The following MCPH1 variants were observed in gnomAD, a reference collection of about 807,000 sequenced individuals.
The protein encoded by MCPH1 is microcephalin.
In MCPH1, 104 loss-of-function variants were observed where a neutral mutation model predicts 84.5. The observed-to-expected ratio is 1.23, with a 90% CI of 1.05 to 1.45. The LOEUF (loss-of-function observed/expected upper bound fraction) is 1.45. Ranked by LOEUF, MCPH1 falls within the 40% of genes most tolerant of loss-of-function variation. The probability of loss-of-function intolerance (pLI) is 0.00; values close to 1 mark genes in which losing one functional copy is unlikely to be tolerated. For synonymous variants in MCPH1, 514 were observed against 366.8 expected, an observed-to-expected ratio of 1.40 and a Z score of -4.58; for missense variants, 1,498 against 1,005.7, an observed-to-expected ratio of 1.49 and a Z score of -6.62.
chr8:6,559,205 T>A (rs1410894204), intron 12 of MCPH1, among the ~76,000 whole-genome samples: 1 of 146,754 alleles, frequency 6.8e-6, no homozygotes, highest in African/African-American at 2.5e-5. Context: ...ATACAGCTAT[T>A]GAGTGTTTTG....
chr8:6,407,483 C>G (rs1000955942), intron 1 of MCPH1, among the ~76,000 whole-genome samples: 3 of 152,106 alleles, frequency 2.0e-5, no homozygotes, highest in East Asian at 3.9e-4. Context: ...CGCAGTCCCA[C>G]CCTCTGTGCA....
At chr8:6,523,691 G>A (rs1276322781) in intron 12 of MCPH1, among the ~76,000 whole-genome samples, 1 of 152,168 alleles carries the variant, frequency 6.6e-6, no homozygotes, top group Non-Finnish European at 1.5e-5. Context: ...CCGGATTCAA[G>A]CAGTTCTCCT....
intron 3 of MCPH1, among the ~76,000 whole-genome samples, chr8:6,427,368 C>T (rs149102919): frequency 6.6e-6 from 1 of 152,052 alleles, no homozygotes; most frequent in Non-Finnish European, 1.5e-5. Flanking sequence ...ACTGTATTAA[C>T]TGATACTATA....
chr8:6,583,104 A>C (rs1457773822), intron 12 of MCPH1, among the ~76,000 whole-genome samples: 1 of 152,192 alleles, frequency 6.6e-6, no homozygotes, highest in East Asian at 1.9e-4. Flanking sequence ...TCATCTTGGC[A>C]ATCTCTATCC....
chr8:6,627,515 G>C (rs768475785), intron 13 of MCPH1, among the ~76,000 whole-genome samples: 1 of 152,208 alleles, frequency 6.6e-6, no homozygotes, highest in East Asian at 1.9e-4. Context: ...TAAAACAGAC[G>C]AAATCTACCA....
chr8:6,611,275 G>T (rs940521115), intron 12 of MCPH1, among the ~76,000 whole-genome samples: 1 of 152,130 alleles, frequency 6.6e-6, no homozygotes, highest in Non-Finnish European at 1.5e-5. Context: ...GAGTTAGCAG[G>T]TGAAGGACTC....
chr8:6,452,002 A>T lies in MCPH1; in HGVS notation c.1826-3141A>T, dbSNP rs537881172. Among the ~76,000 whole-genome samples the T allele has an allele frequency of 9.8e-5, 15 of 152,364 alleles. No individual in the cohort carries two copies. The South Asian group carries it at 3.1e-3, about 32-fold the overall frequency. Reference sequence around the variant, plus strand: ...GTAGGAAAGTAGGATGTGGAGGAAAATAAATGTTAAAAATAAGAGTTATTT... The same window carrying T: ...GTAGGAAAGTAGGATGTGGAGGAAATTAAATGTTAAAAATAAGAGTTATTT... On this transcript the variant is annotated intron_variant, in intron 8 of 13. Coordinates refer to ENST00000344683, the MANE Select transcript of MCPH1 (RefSeq NM_024596.5).
chr8:6,460,195 A>G (rs572856358), intron 9 of MCPH1, among the ~76,000 whole-genome samples: 3 of 151,878 alleles, frequency 2.0e-5, no homozygotes, highest in East Asian at 1.9e-4. Context: ...CTTTGCTTCT[A>G]TAGCCCATGT....
At chr8:6,459,069 C>G (rs139209507) in intron 9 of MCPH1, among the ~76,000 whole-genome samples, 1 of 152,108 alleles carries the variant, frequency 6.6e-6, no homozygotes, top group African/African-American at 2.4e-5. Context: ...AATTTAGTTT[C>G]CTGGTTTTAA....
rs936485639 is a variant in MCPH1 at position 6,507,115 on chromosome 8, C to T, written c.2214+7186C>T. Among the ~76,000 whole-genome samples, 6 of 152,142 alleles carry T rather than the reference C, an allele frequency of 3.9e-5. No individual in the cohort carries two copies. The East Asian group carries it at 1.2e-3, about 29-fold the overall frequency. ...GTTTTGCCATGTTGGCCAGGCTGGT[C>T]TCAAACTCCTGACCTCAGGTGATCC... On this transcript the variant is annotated intron_variant, in intron 12 of 13. Coordinates refer to ENST00000344683, the MANE Select transcript of MCPH1 (RefSeq NM_024596.5).
At chr8:6,567,148 TG>T (rs1341647527) in intron 12 of MCPH1, among the ~76,000 whole-genome samples, 11 of 117,466 alleles carry the variant, frequency 9.4e-5, no homozygotes, top group East Asian at 3.1e-4. Flanking sequence ...GGCAAGGCCA[TG>T]GATAGTGCCC....
At chr8:6,500,992 G>C (rs1812066076) in intron 12 of MCPH1, 1 of 152,130 alleles carries the variant, frequency 6.6e-6, no homozygotes, top group Non-Finnish European at 1.5e-5. Context: ...ACTTGTTGTT[G>C]TCTTTCGAGG....
In MCPH1 at chr8:6,427,404, C is replaced by A. The variant is rs73516751; in HGVS notation, c.234-4095C>A. 5.9e-5 allele frequency among the ~76,000 whole-genome samples: 9 copies of A among 152,094 alleles called. No homozygotes were observed. The East Asian group carries it at 1.7e-3, about 29-fold the overall frequency. On this transcript the variant is annotated intron_variant, in intron 3 of 13. Transcript: ENST00000344683. Reference sequence around the variant, plus strand: ...ACGTTTTTTTAAAGACAAGGTCTTGCTTTGTCTCCCAGGCTGGAGTGAAGT... The same window carrying A: ...ACGTTTTTTTAAAGACAAGGTCTTGATTTGTCTCCCAGGCTGGAGTGAAGT...
At chr8:6,441,846 A>G (rs1263882766) in intron 6 of MCPH1, among the ~76,000 whole-genome samples, 1 of 152,216 alleles carries the variant, frequency 6.6e-6, no homozygotes, top group Non-Finnish European at 1.5e-5. Context: ...AGAAAAATCC[A>G]TGATTATCAA....
At chr8:6,590,203 AAC>A (rs199955464) in intron 12 of MCPH1, among the ~76,000 whole-genome samples, 1,736 of 102,864 alleles carry the variant, frequency 0.017, 20 homozygotes, top group African/African-American at 0.025. Flanking sequence ...TTAAGTGAAC[AAC>A]AAAAAAAAAA....
chr8:6,417,452 G>C (rs1799480102), intron 3 of MCPH1, among the ~76,000 whole-genome samples: 1 of 152,160 alleles, frequency 6.6e-6, no homozygotes. Context: ...AATCCTTTCT[G>C]TGTAATACAC....
intron 12 of MCPH1, among the ~76,000 whole-genome samples, chr8:6,605,952 C>CT (rs1829744266): frequency 6.6e-6 from 1 of 152,278 alleles, no homozygotes; most frequent in East Asian, 1.9e-4. Context: ...CCCCCTTGGC[C>CT]CCCCAGAATG....
chr8:6,539,986 C>G (rs1429967285), intron 12 of MCPH1, among the ~76,000 whole-genome samples: 2 of 152,164 alleles, frequency 1.3e-5, no homozygotes, highest in African/African-American at 2.4e-5. Flanking sequence ...CTTTTGGCCA[C>G]TATATAACTC....
Position 6,409,351 on chromosome 8 carries a change from T to C in MCPH1, c.95T>C (p.Leu32Pro). 2 of 1,613,796 alleles carry C rather than the reference T, an allele frequency of 1.2e-6. No individual in the cohort carries two copies. The highest frequency in any genetic ancestry group is 1.7e-6 in the Non-Finnish European group (2 of 1,179,708). The part of the protein sequence containing the change: ...ENYSKTFTTQ[L>P]VDMGAKVSKT... ...TATTCAAAGACATTTACAACACAGC[T>C]TGTGGATATGGGGGCAAAGGTAAGA... Residue 32 changes from leucine (L) to proline (P), a missense_variant, in exon 2 of 14, where the codon CTT becomes CCT. Physicochemically the swap from Leu to Pro is moderately conservative, Grantham distance 98. Coordinates refer to ENST00000344683, the MANE Select transcript of MCPH1 (RefSeq NM_024596.5).
Sources: allele counts gnomAD v4.1 joint callset (sites outside exome capture counted in the v4.1 genomes callset), GRCh38; gene constraint gnomAD v4.1.1; transcripts MANE v1.5; gene names NCBI Gene and HGNC (gene_info 2026-07-23, HGNC 2026-07-21).